RAB3GAP1: variants seen among roughly 807,000 people sequenced by gnomAD.
The protein encoded by RAB3GAP1 is rab3 GTPase-activating protein catalytic subunit.
In RAB3GAP1, 86 loss-of-function variants were observed where a neutral mutation model predicts 130.7. The ratio of observed to expected loss-of-function variants is 0.66; its 90% CI spans 0.55 to 0.79. The LOEUF is 0.79. Among genes scored for constraint, RAB3GAP1 ranks in the 30% least tolerant of loss-of-function variants. The probability of loss-of-function intolerance (pLI) is 0.00; values close to 1 mark genes in which losing one functional copy is unlikely to be tolerated. For synonymous variants in RAB3GAP1, 367 were observed against 401.7 expected (o/e 0.91, Z 1.03); for missense variants, 1,029 against 1,169.4 (o/e 0.88, Z 1.75).
intron 17 of RAB3GAP1, among the ~76,000 whole-genome samples, chr2:135,139,852 T>G (rs1224423513): frequency 6.6e-6 from 1 of 152,180 alleles, no homozygotes; most frequent in African/African-American, 2.4e-5. Flanking sequence ...ATGTATTGGA[T>G]AGTGAAGCCC....
At position 135,169,770 on chromosome 2, in the gene RAB3GAP1, T is replaced by G. The variant is rs1408737461; in HGVS notation, c.*989T>G. ...GATGGGGATGTGTAGCCCCCCCGTG[T>G]GAGGATGACATCACCACATTTCTAG... is the stretch of plus-strand genomic sequence containing the variant. On this transcript the variant is annotated 3_prime_UTR_variant, in exon 24 of 24. Transcript: ENST00000264158. The G allele has an allele frequency of 1.1e-5, 5 of 456,134 alleles. No individual in the cohort carries two copies. Among genetic ancestry groups the G allele is most frequent in the Non-Finnish European group, 2.2e-5 (5 of 226,726 alleles). The allele number at this position is 456,134 out of a possible 1,614,324, so 28.3% of individuals were successfully genotyped here.
downstream of RAB3GAP1, among the ~76,000 whole-genome samples, chr2:135,174,999 G>A (rs372330030): frequency 3.4e-4 from 52 of 152,306 alleles, no homozygotes; most frequent in East Asian, 8.1e-3. Context: ...AGTGGACTCC[G>A]CAGCCTAGGA....
chr2:135,079,256 A>G (rs959392820), intron 3 of RAB3GAP1, among the ~76,000 whole-genome samples: 13 of 152,098 alleles, frequency 8.5e-5, no homozygotes, highest in African/African-American at 3.1e-4. Context: ...AAAGTGCTGC[A>G]ATTACAGGAC....
chr2:135,156,698 A>G (rs1692324009), intron 19 of RAB3GAP1, among the ~76,000 whole-genome samples: 1 of 152,198 alleles, frequency 6.6e-6, no homozygotes. Flanking sequence ...GGGAAGCCTT[A>G]GGGGTCACTA....
intron 5 of RAB3GAP1, among the ~76,000 whole-genome samples, chr2:135,108,518 T>A (rs1473857181): frequency 6.6e-6 from 1 of 150,558 alleles, no homozygotes; most frequent in Non-Finnish European, 1.5e-5. Flanking sequence ...TTTGGGGCTT[T>A]TTTTTTTTTT....
intron 13 of RAB3GAP1, 129 bp downstream of exon 13, chr2:135,130,850 A>T (rs962555087): frequency 6.5e-5 from 55 of 849,500 alleles, no homozygotes; most frequent in Non-Finnish European, 1.0e-4. Context: ...ACATTTAGAA[A>T]ATTCCTACTA....
At chr2:135,151,781 A>G (rs1692180996) in intron 18 of RAB3GAP1, among the ~76,000 whole-genome samples, 1 of 152,256 alleles carries the variant, frequency 6.6e-6, no homozygotes, top group Non-Finnish European at 1.5e-5. Context: ...CAGCCTCCGC[A>G]GCAGTAATTT....
chr2:135,083,665 T>A (rs1326390586), intron 3 of RAB3GAP1, among the ~76,000 whole-genome samples: 1 of 151,466 alleles, frequency 6.6e-6, no homozygotes, highest in Non-Finnish European at 1.5e-5. Context: ...TGGAGTGTCA[T>A]TGTTACTCAG....
chr2:135,169,078 C>T lies in RAB3GAP1; in HGVS notation c.*297C>T. 1 of 465,076 alleles carries T rather than the reference C, an allele frequency of 2.2e-6. No individual in the cohort carries two copies. Among genetic ancestry groups the T allele is most frequent in the South Asian group, 2.0e-5 (1 of 48,886 alleles). The allele number at this position is 465,076 out of a possible 1,614,324, so 28.8% of individuals were successfully genotyped here. A position where few individuals can be genotyped will look rare whatever the true frequency, so the allele number is the denominator to read the frequency against. On this transcript the variant is annotated 3_prime_UTR_variant, in exon 24 of 24. Transcript: ENST00000264158. Reference sequence around the variant, plus strand: ...ATCAGACACTCCGTCCTCACACTGGCAGGACGGTGTTCATCGCATTCTCTT... The same window carrying T: ...ATCAGACACTCCGTCCTCACACTGGTAGGACGGTGTTCATCGCATTCTCTT...
chr2:135,129,118 C>T (rs1266384918), intron 11 of RAB3GAP1, among the ~76,000 whole-genome samples: 5 of 152,166 alleles, frequency 3.3e-5, no homozygotes, highest in African/African-American at 9.7e-5. Flanking sequence ...TGCCACTGCA[C>T]TCCAGCTTGG....
intron 4 of RAB3GAP1, 97 bp from the exon 5 acceptor site, chr2:135,093,518 G>T: frequency 1.1e-6 from 1 of 885,368 alleles, no homozygotes; most frequent in South Asian, 1.4e-5. Context: ...TATCAAAACT[G>T]CATGATCTAG....
Position 135,153,240 on chromosome 2 carries a change from T to C in RAB3GAP1, c.2062-409T>C, listed in dbSNP as rs376556133. On this transcript the variant is annotated intron_variant, in intron 18 of 23. Coordinates refer to ENST00000264158, the MANE Select transcript of RAB3GAP1 (RefSeq NM_012233.3). ...TACTTTTCTTAGTATTGAGTAGTTA[T>C]TATACTGTAATATGAAACTAAGCTG... 2.6e-5 allele frequency among the ~76,000 whole-genome samples: 4 copies of C among 152,348 alleles called. No individual in the cohort carries two copies. The East Asian group carries it at 7.7e-4, about 29-fold the overall frequency.
At chr2:135,073,156 C>T (rs578152668) in intron 3 of RAB3GAP1, among the ~76,000 whole-genome samples, 77 of 152,246 alleles carry the variant, frequency 5.1e-4, no homozygotes, top group African/African-American at 1.7e-3. Flanking sequence ...TAGACATTGC[C>T]GAGGACTGGT....
At chr2:135,073,508 T>C (rs1041224337) in intron 3 of RAB3GAP1, among the ~76,000 whole-genome samples, 1 of 152,166 alleles carries the variant, frequency 6.6e-6, no homozygotes, top group African/African-American at 2.4e-5. Context: ...TGGCTGAGCA[T>C]GTGACAGAGG....
chr2:135,173,607 G>C (rs1692921476), downstream of RAB3GAP1, among the ~76,000 whole-genome samples: 1 of 152,174 alleles, frequency 6.6e-6, no homozygotes, highest in Non-Finnish European at 1.5e-5. Flanking sequence ...GGGCAGTCTG[G>C]GAAGGTCAGT....
intron 3 of RAB3GAP1, among the ~76,000 whole-genome samples, chr2:135,082,996 C>T (rs150634755): frequency 8.6e-5 from 13 of 151,994 alleles, no homozygotes; most frequent in African/African-American, 1.9e-4. Flanking sequence ...CTTATGATAC[C>T]TAGTACAATG....
intron 3 of RAB3GAP1, among the ~76,000 whole-genome samples, chr2:135,062,125 G>C (rs182984843): frequency 8.9e-4 from 135 of 152,132 alleles, no homozygotes; most frequent in Middle Eastern, 3.4e-3. Context: ...TGTTGGCCAG[G>C]CTGGTCTTGA....
intron 5 of RAB3GAP1, among the ~76,000 whole-genome samples, chr2:135,096,281 A>AT (rs1410583229): frequency 3.3e-5 from 5 of 152,130 alleles, no homozygotes; most frequent in East Asian, 1.9e-4. Flanking sequence ...TGGTCTTTTG[A>AT]TTTTTTTAAA....
In RAB3GAP1 at chr2:135,168,465, T is replaced by G. The variant is rs1692729527; in HGVS notation, c.2710-80T>G. ...GTGGGACATTTTCATATCTTTATTA[T>G]GTTAATTCATCTGTCCTTCAAAAGC... On this transcript the variant is annotated intron_variant, in intron 23 of 23. Coordinates refer to ENST00000264158, the MANE Select transcript of RAB3GAP1 (RefSeq NM_012233.3). 7.3e-6 allele frequency: 8 copies of G among 1,101,528 alleles called. No individual in the cohort carries two copies. The Admixed American group carries it at 1.3e-4, about 19-fold the overall frequency. 68.2% of individuals were successfully genotyped at this position (1,101,528 alleles called of 1,614,324 possible).
Sources: gnomAD v4.1 joint callset for allele counts (sites outside exome capture counted in the v4.1 genomes callset) on GRCh38, gnomAD v4.1.1 for gene constraint, MANE v1.5 for transcripts, NCBI Gene and HGNC (gene_info 2026-07-23, HGNC 2026-07-21) for gene names.